Variants in IGFBP7 observed in about 807,000 individuals in gnomAD.
IGFBP7 encodes the protein insulin like growth factor binding protein 7, also known as insulin-like growth factor-binding protein 7.
Under a neutral mutation model 29.4 loss-of-function variants are expected in IGFBP7, and 31 were observed. That is an observed-to-expected ratio of 1.05 (90% confidence interval 0.79 to 1.42). The LOEUF (loss-of-function observed/expected upper bound fraction) is 1.42. IGFBP7 is among the 40% of genes most tolerant of loss of function. IGFBP7 has a pLI of 0.00. For synonymous variants in IGFBP7, 172 were observed against 174.9 expected, an observed-to-expected ratio of 0.98 and a Z score of 0.13; for missense variants, 393 against 395.5, an observed-to-expected ratio of 0.99 and a Z score of 0.05.
intron 2 of IGFBP7, among the ~76,000 whole-genome samples, chr4:57,038,383 C>G (rs1050960973): frequency 6.6e-6 from 1 of 152,172 alleles, no homozygotes; most frequent in South Asian, 2.1e-4. Context: ...ATATTGAGAG[C>G]AAAGAGTCAA....
intron 2 of IGFBP7, among the ~76,000 whole-genome samples, chr4:57,034,062 A>AAC (rs943005922): frequency 1.5e-4 from 22 of 150,606 alleles, no homozygotes; most frequent in Non-Finnish European, 2.5e-4. Context: ...AAAAAAAAAA[A>AAC]AAAAAACAGC....
At chr4:57,094,464 A>C (rs1470235440) in intron 1 of IGFBP7, among the ~76,000 whole-genome samples, 1 of 152,160 alleles carries the variant, frequency 6.6e-6, no homozygotes, top group Admixed American at 6.5e-5. Flanking sequence ...GTGCAGAGAA[A>C]TGGGAGGAGA....
chr4:57,098,939 A>C (rs937408362), intron 1 of IGFBP7, among the ~76,000 whole-genome samples: 2 of 152,182 alleles, frequency 1.3e-5, no homozygotes, highest in Admixed American at 6.5e-5. Context: ...TACCCTAAAA[A>C]ATTCTTGAAG....
chr4:57,067,703 A>C (rs1013514006), intron 1 of IGFBP7, among the ~76,000 whole-genome samples: 1 of 152,244 alleles, frequency 6.6e-6, no homozygotes, highest in African/African-American at 2.4e-5. Context: ...ACACATCAAG[A>C]AAAAACATAG....
chr4:57,105,904 TAAA>T (rs994238566), intron 1 of IGFBP7, among the ~76,000 whole-genome samples: 1 of 96,106 alleles, frequency 1.0e-5, no homozygotes, highest in African/African-American at 4.2e-5. Flanking sequence ...GCCCATTTTT[TAAA>T]TTTTTTTTTT....
chr4:57,074,789 A>G lies in IGFBP7; in HGVS notation c.476-33856T>C, dbSNP rs1725180828. Among the ~76,000 whole-genome samples the G allele has an allele frequency of 2.0e-5, 3 of 152,252 alleles. No homozygotes were observed. The South Asian group carries it at 6.2e-4, about 32-fold the overall frequency. ...AACTAAAACACAGCCACAAGCACCCAAGGACTGTCATGCTTCAGGAATTTA... is the reference window on the plus strand; with the variant it reads ...AACTAAAACACAGCCACAAGCACCCGAGGACTGTCATGCTTCAGGAATTTA... On this transcript the variant is annotated intron_variant, in intron 1 of 4. Coordinates refer to ENST00000295666, the MANE Select transcript of IGFBP7 (RefSeq NM_001553.3).
At chr4:57,070,347 A>G (rs958937403) in intron 1 of IGFBP7, among the ~76,000 whole-genome samples, 2 of 152,186 alleles carry the variant, frequency 1.3e-5, no homozygotes, top group African/African-American at 4.8e-5. Context: ...AGCTTTTTCT[A>G]CTTCCTCTAT....
At chr4:57,073,605 AATT>A (rs1364815428) in intron 1 of IGFBP7, among the ~76,000 whole-genome samples, 3 of 132,418 alleles carry the variant, frequency 2.3e-5, no homozygotes, top group Non-Finnish European at 5.0e-5. Flanking sequence ...AAAAAAAAAA[AATT>A]AAATAAATAA....
chr4:57,056,742 C>T (rs532566275), intron 1 of IGFBP7, among the ~76,000 whole-genome samples: 2 of 152,282 alleles, frequency 1.3e-5, no homozygotes, highest in African/African-American at 2.4e-5. Context: ...CAAGGTGAAG[C>T]AAAGCTATGC....
At chr4:57,060,052 A>G (rs1187399570) in intron 1 of IGFBP7, among the ~76,000 whole-genome samples, 1 of 152,224 alleles carries the variant, frequency 6.6e-6, no homozygotes, top group Non-Finnish European at 1.5e-5. Context: ...GAATAGAAAG[A>G]TGTTAGGGTT....
At chr4:57,069,047 A>C (rs1019063190) in intron 1 of IGFBP7, among the ~76,000 whole-genome samples, 1 of 132,148 alleles carries the variant, frequency 7.6e-6, no homozygotes, top group African/African-American at 2.7e-5. Context: ...CCATAAGCCT[A>C]GAGGGTCTTA....
chr4:57,106,933 A>T (rs1002983966), intron 1 of IGFBP7, among the ~76,000 whole-genome samples: 8 of 152,218 alleles, frequency 5.3e-5, no homozygotes, highest in African/African-American at 1.7e-4. Flanking sequence ...CAGTAAATTC[A>T]TAATGACAGT....
chr4:57,108,396 G>A (rs1227457327), intron 1 of IGFBP7, among the ~76,000 whole-genome samples: 1 of 152,142 alleles, frequency 6.6e-6, no homozygotes, highest in Admixed American at 6.5e-5. Context: ...TTCTACCTTG[G>A]CTAAGATCAG....
chr4:57,038,639 C>T (rs1246094242), intron 2 of IGFBP7, among the ~76,000 whole-genome samples: 3 of 152,146 alleles, frequency 2.0e-5, no homozygotes, highest in Non-Finnish European at 4.4e-5. Flanking sequence ...AGAAGTAAGG[C>T]AGCTTAAAAT....
At chr4:57,039,269 G>C (rs1443942274) in intron 2 of IGFBP7, among the ~76,000 whole-genome samples, 3 of 152,094 alleles carry the variant, frequency 2.0e-5, no homozygotes, top group African/African-American at 7.2e-5. Flanking sequence ...TCTACTGAGT[G>C]CTAACTATGT....
chr4:57,043,397 A>C (rs1032524268), intron 1 of IGFBP7, among the ~76,000 whole-genome samples: 4 of 152,204 alleles, frequency 2.6e-5, no homozygotes, highest in African/African-American at 9.6e-5. Context: ...CTTGCATCAG[A>C]GTCCTGGGAA....
At chr4:57,039,353 A>G (rs1241347040) in intron 2 of IGFBP7, among the ~76,000 whole-genome samples, 1 of 152,208 alleles carries the variant, frequency 6.6e-6, no homozygotes, top group African/African-American at 2.4e-5. Flanking sequence ...AAGGTAGAGA[A>G]CAGAGTTGAG....
chr4:57,069,031 GCTCAC>G (rs11277147), intron 1 of IGFBP7, among the ~76,000 whole-genome samples: 107,434 of 151,734 alleles, frequency 0.71, 39,167 homozygotes, highest in Admixed American at 0.82. Context: ...CCCTCACCCA[GCTCAC>G]CCATAAGCCT....
chr4:57,057,582 G>A (rs951517506), intron 1 of IGFBP7, among the ~76,000 whole-genome samples: 2 of 152,202 alleles, frequency 1.3e-5, no homozygotes, highest in African/African-American at 2.4e-5. Flanking sequence ...TTAGAGGCAC[G>A]AGGAAGAAAA....
Sources: allele counts gnomAD v4.1 joint callset (sites outside exome capture counted in the v4.1 genomes callset), GRCh38; gene constraint gnomAD v4.1.1; transcripts MANE v1.5; gene names NCBI Gene and HGNC (gene_info 2026-07-23, HGNC 2026-07-21).